STS: variants seen among roughly 807,000 people sequenced by gnomAD.
STS encodes steroid sulfatase.
STS carries 7 observed loss-of-function variants against 26.8 expected under a neutral mutation model. That is an observed-to-expected ratio of 0.26 (90% CI 0.15 to 0.49). STS has a LOEUF of 0.49. STS is among the 20% of genes least tolerant of loss of function. STS has a pLI of 0.98. For synonymous variants in STS, 199 were observed against 189.4 expected (o/e 1.05, Z -0.42); for missense variants, 434 against 465.6 (o/e 0.93, Z 0.63).
chrX:7,244,005 G>C (rs1332608604), intron 2 of STS, among the ~76,000 whole-genome samples: 1 of 111,158 alleles, frequency 9.0e-6, no homozygotes, highest in African/African-American at 3.3e-5. Context: ...GGCGGCAGAG[G>C]TTGCAGTGAG....
At chrX:7,297,081 G>A (rs1925702039) in intron 7 of STS, among the ~76,000 whole-genome samples, 1 of 111,883 alleles carries the variant, frequency 8.9e-6, no homozygotes, top group African/African-American at 3.2e-5. Context: ...ATGTTTGAAA[G>A]TTATGTGTCA....
chrX:7,203,559 C>G (rs1433639240), intron 2 of STS, among the ~76,000 whole-genome samples: 1 of 111,543 alleles, frequency 9.0e-6, no homozygotes, highest in Non-Finnish European at 1.9e-5. Flanking sequence ...TAGGAATACA[C>G]TATGATTAAA....
At chrX:7,242,431 T>TA (rs756862322) in intron 2 of STS, among the ~76,000 whole-genome samples, 88 of 101,110 alleles carry the variant, frequency 8.7e-4, no homozygotes, top group South Asian at 1.8e-3. Flanking sequence ...CCTGTCTCTA[T>TA]AAAAAAAAAA....
intron 7 of STS, among the ~76,000 whole-genome samples, chrX:7,283,955 G>A (rs1447252832): frequency 7.2e-5 from 8 of 111,186 alleles, no homozygotes; most frequent in African/African-American, 9.8e-5. Context: ...AGTTCCTGGC[G>A]TTGGAGAGGT....
At chrX:7,294,735 C>G (rs773268096) in intron 7 of STS, among the ~76,000 whole-genome samples, 2 of 111,766 alleles carry the variant, frequency 1.8e-5, no homozygotes, top group African/African-American at 6.5e-5. Context: ...CCAACAGCCA[C>G]TACACTATAG....
chrX:7,209,216 A>G (rs1472880957), intron 2 of STS, among the ~76,000 whole-genome samples: 1 of 110,816 alleles, frequency 9.0e-6, no homozygotes, highest in African/African-American at 3.3e-5. Context: ...GGCCTTTTTT[A>G]CATGTAGGGG....
chrX:7,276,104 T>G lies in STS; in HGVS notation c.943+17T>G. 8.3e-7 allele frequency: 1 copy of G among 1,208,123 alleles called. No homozygotes were observed. ...GGAGTGTGGGTACGTTTCTCCTCAG[T>G]GAGTGCTTAGAAAGCTGCTAAGTCT... On this transcript the variant is annotated intron_variant, in intron 7 of 10. Coordinates refer to ENST00000674429, the MANE Select transcript of STS (RefSeq NM_001320752.2).
intron 8 of STS, among the ~76,000 whole-genome samples, chrX:7,317,924 G>A (rs1254366684): frequency 1.8e-5 from 2 of 111,909 alleles, no homozygotes; most frequent in Non-Finnish European, 3.8e-5. Context: ...TCTGTAGGGC[G>A]TAATCTCCAT....
At chrX:7,349,807 A>G (rs1348767279) in intron 10 of STS, 81 bp from the exon 11 acceptor site, 3 of 1,171,932 alleles carry the variant, frequency 2.6e-6, no homozygotes, top group Non-Finnish European at 3.5e-6. Context: ...ATGGCAGCAT[A>G]ATTTCCGCAT....
At chrX:7,347,715 AT>A (rs1246824315) in intron 10 of STS, among the ~76,000 whole-genome samples, 1 of 111,656 alleles carries the variant, frequency 9.0e-6, no homozygotes, top group Non-Finnish European at 1.9e-5. Context: ...CGCCCTCTAG[AT>A]TTGCATCATT....
At chrX:7,317,625 T>G (rs749967428) in intron 8 of STS, among the ~76,000 whole-genome samples, 4 of 111,108 alleles carry the variant, frequency 3.6e-5, no homozygotes, top group Non-Finnish European at 5.7e-5. Flanking sequence ...TGCACCACCA[T>G]GCTTGGCTTT....
At chrX:7,274,471 A>G (rs1403434699) in intron 6 of STS, among the ~76,000 whole-genome samples, 1 of 111,781 alleles carries the variant, frequency 8.9e-6, no homozygotes, top group Non-Finnish European at 1.9e-5. Context: ...TTCCCAGACG[A>G]GAGGTAAAGA....
intron 7 of STS, among the ~76,000 whole-genome samples, chrX:7,289,814 T>C (rs1925322905): frequency 9.0e-6 from 1 of 111,267 alleles, no homozygotes; most frequent in Admixed American, 9.5e-5. Context: ...CCAGCTAATT[T>C]TTGTATGTGT....
chrX:7,200,431 T>C (rs926367998), intron 2 of STS, among the ~76,000 whole-genome samples: 12 of 111,616 alleles, frequency 1.1e-4, no homozygotes, highest in African/African-American at 3.3e-4. Context: ...TTTCTCTGCC[T>C]CTGACATGTA....
chrX:7,297,347 T>C (rs1313922552), intron 7 of STS, among the ~76,000 whole-genome samples: 1 of 109,838 alleles, frequency 9.1e-6, no homozygotes, highest in Non-Finnish European at 1.9e-5. Flanking sequence ...AATTAGCCAA[T>C]TGAAATTCAA....
chrX:7,306,767 T>C (rs910951400), intron 8 of STS, among the ~76,000 whole-genome samples: 4 of 112,132 alleles, frequency 3.6e-5, no homozygotes, highest in Non-Finnish European at 7.5e-5. Flanking sequence ...GTGCCTCTGC[T>C]TTCTTTCCCC....
At position 7,314,766 on chromosome X, in the gene STS, G is replaced by A. The variant is rs1353092229; in HGVS notation, c.1081+9583G>A. Among the ~76,000 whole-genome samples, 40 of 112,437 alleles carry A rather than the reference G, an allele frequency of 3.6e-4. No individual in the cohort carries two copies. The Admixed American group carries it at 3.6e-3, about 10-fold the overall frequency. On this transcript the variant is annotated intron_variant, in intron 8 of 10. Coordinates refer to ENST00000674429, the MANE Select transcript of STS (RefSeq NM_001320752.2). Reference sequence around the variant, plus strand: ...TTTTGAGATGGGCAAGATTGAAGTTGTGTGGTCAAGCGTGCTCTGCAGGAG... The same window carrying A: ...TTTTGAGATGGGCAAGATTGAAGTTATGTGGTCAAGCGTGCTCTGCAGGAG...
At chrX:7,263,038 A>G (rs5933830) in intron 6 of STS, among the ~76,000 whole-genome samples, 39,836 of 110,942 alleles carry the variant, frequency 0.36, 5,290 homozygotes, top group Non-Finnish European at 0.39. Context: ...ATGAGATTAT[A>G]ATGGAGCTGC....
At position 7,257,509 on chromosome X, in the gene STS, C is replaced by T. The variant is rs776166876; in HGVS notation, c.303C>T (p.Ala101=). 6 of 1,211,946 alleles carry T rather than the reference C, an allele frequency of 5.0e-6. No homozygotes were observed. Among genetic ancestry groups the T allele is most frequent in the Admixed American group, 4.3e-5 (2 of 46,106 alleles). The change falls in exon 5 of 11, where the codon GCC becomes GCT. Residue 101 remains alanine, a synonymous_variant. Transcript: ENST00000674429. Reference sequence around the variant, plus strand: ...GCACTGGAGTTTTCCTCTTCACAGCCTCTTCGGGAGGACTTCCCACCGATG... The same window carrying T: ...GCACTGGAGTTTTCCTCTTCACAGCTTCTTCGGGAGGACTTCCCACCGATG... ...WSRTGVFLFT[A]SSGGLPTDEI... is the part of the protein sequence containing the mutation.
Sources: gnomAD v4.1 joint callset for allele counts (sites outside exome capture counted in the v4.1 genomes callset) on GRCh38, gnomAD v4.1.1 for gene constraint, MANE v1.5 for transcripts, NCBI Gene and HGNC (gene_info 2026-07-23, HGNC 2026-07-21) for gene names.